GRM5: variants seen among roughly 807,000 people sequenced by gnomAD.
GRM5 encodes glutamate metabotropic receptor 5.
GRM5 carries 19 observed loss-of-function variants against 83.1 expected under a neutral mutation model. The ratio of observed to expected loss-of-function variants is 0.23; its 90% CI spans 0.16 to 0.34. The LOEUF is 0.34. Among genes scored for constraint, GRM5 ranks in the 10% least tolerant of loss-of-function variants. The pLI is 1.00. For synonymous variants in GRM5, 675 were observed against 633.6 expected, an observed-to-expected ratio of 1.07 and a Z score of -0.98; for missense variants, 1,160 against 1,588.3, an observed-to-expected ratio of 0.73 and a Z score of 4.58.
intron 9 of GRM5, among the ~76,000 whole-genome samples, chr11:88,524,214 CTTTT>C (rs71470770): frequency 2.0e-5 from 2 of 101,408 alleles, no homozygotes; most frequent in African/African-American, 4.5e-5. Flanking sequence ...TTCTTTCTTT[CTTTT>C]TTTTTTTTTT....
At chr11:88,800,217 T>C (rs1437713706) in intron 3 of GRM5, among the ~76,000 whole-genome samples, 1 of 152,140 alleles carries the variant, frequency 6.6e-6, no homozygotes, top group Non-Finnish European at 1.5e-5. Flanking sequence ...ATTGCCAAAG[T>C]TGCTCTAAAA....
At chr11:88,541,141 C>T (rs963151539) in intron 8 of GRM5, among the ~76,000 whole-genome samples, 22 of 152,138 alleles carry the variant, frequency 1.4e-4, no homozygotes, top group Non-Finnish European at 2.6e-4. Context: ...TATAATCACA[C>T]ATGATTACAA....
chr11:88,708,079 CTA>C (rs1054162089), intron 3 of GRM5, among the ~76,000 whole-genome samples: 51 of 152,148 alleles, frequency 3.4e-4, no homozygotes, highest in African/African-American at 1.2e-3. Context: ...AAAGAAAACA[CTA>C]TGTCACTACT....
intron 9 of GRM5, 128 bp from the exon 10 acceptor site, chr11:88,509,632 C>A: frequency 1.5e-6 from 1 of 648,898 alleles, no homozygotes; most frequent in Non-Finnish European, 2.6e-6. Context: ...TCAGGAAACA[C>A]AGCATCAAAA....
chr11:89,053,539 C>A (rs1182588374), intron 1 of GRM5, among the ~76,000 whole-genome samples: 3 of 152,156 alleles, frequency 2.0e-5, no homozygotes, highest in Non-Finnish European at 4.4e-5. Context: ...GCACACCCTT[C>A]TATGCCCCAA....
intron 2 of GRM5, among the ~76,000 whole-genome samples, chr11:88,999,120 A>G (rs1034463647): frequency 6.6e-6 from 1 of 152,206 alleles, no homozygotes; most frequent in African/African-American, 2.4e-5. Flanking sequence ...TGTTAGACCT[A>G]AAACCATCAA....
intron 3 of GRM5, among the ~76,000 whole-genome samples, chr11:88,686,341 CA>C (rs1018145957): frequency 7.2e-5 from 11 of 152,142 alleles, no homozygotes; most frequent in African/African-American, 2.7e-4. Flanking sequence ...TACATGTACC[CA>C]AATTGGAACC....
At chr11:89,052,961 A>C (rs1347450181) in intron 1 of GRM5, among the ~76,000 whole-genome samples, 1 of 152,156 alleles carries the variant, frequency 6.6e-6, no homozygotes, top group Non-Finnish European at 1.5e-5. Context: ...TGGAGCTAGA[A>C]TTTATGTCTA....
chr11:88,773,243 G>A (rs1252481556), intron 3 of GRM5, among the ~76,000 whole-genome samples: 1 of 152,176 alleles, frequency 6.6e-6, no homozygotes, highest in Non-Finnish European at 1.5e-5. Flanking sequence ...CTGCATAGAT[G>A]TCTTCTTTTG....
chr11:89,006,828 C>G (rs1940541861), intron 2 of GRM5, among the ~76,000 whole-genome samples: 1 of 152,130 alleles, frequency 6.6e-6, no homozygotes, highest in Admixed American at 6.6e-5. Flanking sequence ...GAGACAGATT[C>G]TCTCTGTCAC....
chr11:89,065,832 C>A lies in GRM5; in HGVS notation c.-257G>T, dbSNP rs1195308979. 1 of 152,288 alleles carries A rather than the reference C, an allele frequency of 6.6e-6. No individual in the cohort carries two copies. Among genetic ancestry groups the A allele is most frequent in the African/African-American group, 2.4e-5 (1 of 41,466 alleles). 9.4% of individuals were successfully genotyped at this position (152,288 alleles called of 1,614,324 possible). ...GCAGCCGCTCCTCGAGGGCTTCCTG[C>A]GCTCTCGTAGCGGCCTTGGCTGCAG... On this transcript the variant is annotated 5_prime_UTR_variant, in exon 1 of 10. Transcript: ENST00000305447.
At chr11:88,671,417 A>T (rs1015720960) in intron 3 of GRM5, among the ~76,000 whole-genome samples, 4 of 152,080 alleles carry the variant, frequency 2.6e-5, no homozygotes, top group Non-Finnish European at 4.4e-5. Context: ...TCTAAAGTAA[A>T]CCTGTCTTTA....
At chr11:88,723,622 C>A (rs1941602407) in intron 3 of GRM5, among the ~76,000 whole-genome samples, 1 of 151,980 alleles carries the variant, frequency 6.6e-6, no homozygotes, top group Non-Finnish European at 1.5e-5. Context: ...TGGGAAACCT[C>A]TGAACACTCA....
chr11:89,014,491 G>A (rs1940799206), intron 2 of GRM5, among the ~76,000 whole-genome samples: 1 of 152,046 alleles, frequency 6.6e-6, no homozygotes, highest in African/African-American at 2.4e-5. Context: ...AATGTACATA[G>A]AGAGTAGAAA....
chr11:88,846,618 A>G (rs1243269838), intron 3 of GRM5, among the ~76,000 whole-genome samples: 2 of 152,126 alleles, frequency 1.3e-5, no homozygotes, highest in Non-Finnish European at 2.9e-5. Context: ...GCAGTTGGAG[A>G]TATTTATAAG....
rs1286061108 is a variant in GRM5, at chr11:89,047,514, G to A, written c.359C>T (p.Ser120Leu). The stretch of plus-strand genomic sequence containing the variant: ...GCGTACCAAGCCTTCTTCCTCTTCT[G>A]AAGAAATGAGGGAATCTCTTATGAA... ...IEFIRDSLIS[S>L]EEEEGLVRCV... The change falls in exon 2 of 10, where the codon TCA becomes TTA. Residue 120 changes from serine (S) to leucine (L), a missense_variant. Transcript: ENST00000305447. This position sits in a 1 kb window ranked among gnomAD's most constrained non-coding sequence, Gnocchi z 5.1. The A allele has an allele frequency of 6.2e-7, 1 of 1,614,160 alleles. No homozygotes were observed. Among genetic ancestry groups the A allele is most frequent in the South Asian group, 1.1e-5 (1 of 91,082 alleles).
At chr11:89,060,153 C>A (rs1334604050) in intron 1 of GRM5, among the ~76,000 whole-genome samples, 1 of 151,866 alleles carries the variant, frequency 6.6e-6, no homozygotes, top group African/African-American at 2.4e-5. Flanking sequence ...TAAAGCAGCT[C>A]AAAACAAAGG....
chr11:88,662,557 T>C (rs750885943), intron 3 of GRM5, among the ~76,000 whole-genome samples: 1 of 152,150 alleles, frequency 6.6e-6, no homozygotes, highest in African/African-American at 2.4e-5. Context: ...ATTTTAAAGA[T>C]GTATTTTAGG....
chr11:88,580,511 G>T (rs1319281747), intron 7 of GRM5, among the ~76,000 whole-genome samples: 1 of 152,162 alleles, frequency 6.6e-6, no homozygotes, highest in African/African-American at 2.4e-5. Flanking sequence ...TATTTTGCCA[G>T]TGAGGAAAAT....
Sources: gnomAD v4.1 joint callset for allele counts (sites outside exome capture counted in the v4.1 genomes callset) on GRCh38, gnomAD v4.1.1 for gene constraint, Gnocchi (gnomAD v3.1) non-coding constraint, MANE v1.5 for transcripts, NCBI Gene and HGNC (gene_info 2026-07-23, HGNC 2026-07-21) for gene names.